Variants in PCYT1B observed in about 807,000 individuals in gnomAD.
PCYT1B encodes the protein choline-phosphate cytidylyltransferase B.
PCYT1B carries 10 observed loss-of-function variants against 26.4 expected under a neutral mutation model. The observed-to-expected ratio is 0.38, with a 90% CI of 0.23 to 0.64. PCYT1B has a LOEUF of 0.64. Ranked by LOEUF, PCYT1B falls within the 30% of genes least tolerant of loss-of-function variation. PCYT1B has a pLI of 0.56. For synonymous variants in PCYT1B, 131 were observed against 108.4 expected (o/e 1.21, Z -1.29); for missense variants, 161 against 292.7 (o/e 0.55, Z 3.28).
At chrX:24,568,314 CT>C (rs2148220014) in intron 7 of PCYT1B, among the ~76,000 whole-genome samples, 1 of 111,806 alleles carries the variant, frequency 8.9e-6, no homozygotes, top group East Asian at 2.8e-4. Context: ...GGGAGGACCG[CT>C]TGAGTCCAGG....
chrX:24,642,076 G>A (rs1227255087), intron 1 of PCYT1B, among the ~76,000 whole-genome samples: 1 of 113,238 alleles, frequency 8.8e-6, no homozygotes, highest in African/African-American at 3.2e-5. Context: ...AGTCTAATAT[G>A]TTAAAGTCAA....
chrX:24,563,902 C>A (rs1374959245), intron 7 of PCYT1B, among the ~76,000 whole-genome samples: 1 of 111,592 alleles, frequency 9.0e-6, no homozygotes, highest in Non-Finnish European at 1.9e-5. Context: ...GAATCCAAGG[C>A]CAGGCGCGGT....
At position 24,559,645 on chromosome X, in the gene PCYT1B, T is replaced by C. The variant is rs960456207; in HGVS notation, c.*2648A>G. 1 of 111,313 alleles carries C rather than the reference T, an allele frequency of 9.0e-6. No individual in the cohort carries two copies. The highest frequency in any genetic ancestry group is 3.3e-5 in the African/African-American group (1 of 30,580). 9.2% of individuals were successfully genotyped at this position (111,313 alleles called of 1,213,427 possible). On this transcript the variant is annotated 3_prime_UTR_variant, in exon 8 of 8. Transcript: ENST00000379144. The stretch of plus-strand genomic sequence containing the variant: ...CTCACTAGGGCAAAAAGAATCTCTT[T>C]CCTTGCTTTGTGTTATTCCTGCTTA...
chrX:24,619,127 T>G (rs1007312091), intron 1 of PCYT1B, 43 bp from the exon 2 acceptor site: 1 of 959,900 alleles, frequency 1.0e-6, no homozygotes, highest in African/African-American at 1.9e-5. Flanking sequence ...TGACAAACTT[T>G]CCTTTGGCAC....
chrX:24,569,847 A>G (rs1189936602), intron 7 of PCYT1B, among the ~76,000 whole-genome samples: 4 of 111,556 alleles, frequency 3.6e-5, no homozygotes, highest in Non-Finnish European at 7.5e-5. Context: ...TTGCAGGACA[A>G]TGTGAATGCA....
At position 24,559,593 on chromosome X, in the gene PCYT1B, C is replaced by T. The variant is rs1165706502; in HGVS notation, c.*2700G>A. 9.0e-6 allele frequency: 1 copy of T among 111,703 alleles called. No homozygotes were observed. The highest frequency in any genetic ancestry group is 3.3e-5 in the African/African-American group (1 of 30,753). 9.2% of individuals were successfully genotyped at this position (111,703 alleles called of 1,213,427 possible). A position where few individuals can be genotyped will look rare whatever the true frequency, so the allele number is the denominator to read the frequency against. On this transcript the variant is annotated 3_prime_UTR_variant, in exon 8 of 8. Transcript: ENST00000379144. ...TTCTGCAGTCCTAAGTTGCTATCCT[C>T]CAGCCCTCATTCTGAAGCTTCCTTT...
upstream of PCYT1B, among the ~76,000 whole-genome samples, chrX:24,648,840 G>A (rs1602207736): frequency 9.0e-6 from 1 of 110,942 alleles, no homozygotes; most frequent in South Asian, 3.8e-4. Flanking sequence ...TAAAAATACC[G>A]GGCTTGCCTC....
chrX:24,566,734 C>A (rs1923643206), intron 7 of PCYT1B, among the ~76,000 whole-genome samples: 1 of 111,452 alleles, frequency 9.0e-6, no homozygotes, highest in South Asian at 3.8e-4. Flanking sequence ...GCACTGCCTG[C>A]CCCCAACACT....
intron 1 of PCYT1B, among the ~76,000 whole-genome samples, chrX:24,652,497 TGCAGTGA>T (rs1343158617): frequency 9.4e-6 from 1 of 106,854 alleles, no homozygotes; most frequent in Non-Finnish European, 1.9e-5. Context: ...AGGCGGAGGT[TGCAGTGA>T]GCAGAAATCA....
intron 3 of PCYT1B, among the ~76,000 whole-genome samples, chrX:24,592,150 G>T (rs1385183966): frequency 9.0e-6 from 1 of 111,509 alleles, no homozygotes; most frequent in Non-Finnish European, 1.9e-5. Flanking sequence ...TAAACACAAA[G>T]AAATACTATT....
At chrX:24,663,369 C>G (rs1160466681) in intron 1 of PCYT1B, among the ~76,000 whole-genome samples, 2 of 112,296 alleles carry the variant, frequency 1.8e-5, no homozygotes, top group Non-Finnish European at 3.8e-5. Flanking sequence ...TAAAATAAAA[C>G]TACTTATGCC....
intron 3 of PCYT1B, among the ~76,000 whole-genome samples, chrX:24,593,603 T>C (rs1001626500): frequency 1.8e-5 from 2 of 108,320 alleles, no homozygotes; most frequent in African/African-American, 6.7e-5. Flanking sequence ...CTCAGCTCAC[T>C]GCAACCTTCA....
intron 5 of PCYT1B, 128 bp downstream of exon 5, chrX:24,587,113 C>G (rs974525886): frequency 1.7e-5 from 8 of 476,363 alleles, no homozygotes; most frequent in Admixed American, 1.2e-4. Context: ...TAGAAGCCGC[C>G]TGGGGGACAC....
At chrX:24,672,780 G>A (rs1442229513), upstream of PCYT1B, 24 of 450,056 alleles carry the variant, frequency 5.3e-5, no homozygotes, top group East Asian at 8.1e-4. Flanking sequence ...GGAGGAGCTC[G>A]GAGTGTCCCA....
intron 7 of PCYT1B, among the ~76,000 whole-genome samples, chrX:24,570,257 C>T (rs1366519166): frequency 1.9e-5 from 2 of 107,019 alleles, no homozygotes; most frequent in Non-Finnish European, 3.9e-5. Context: ...ATATTTGTCA[C>T]AAATTTGTTT....
chrX:24,663,565 C>T (rs908886769), intron 1 of PCYT1B, among the ~76,000 whole-genome samples: 2 of 112,034 alleles, frequency 1.8e-5, no homozygotes, highest in Non-Finnish European at 3.8e-5. Context: ...CCAAATAATT[C>T]CCTGGAAAAT....
intron 1 of PCYT1B, among the ~76,000 whole-genome samples, chrX:24,669,158 T>A (rs1284382797): frequency 8.9e-6 from 1 of 111,945 alleles, no homozygotes; most frequent in East Asian, 2.8e-4. Context: ...TTTTCTGCAA[T>A]GATGGAATAT....
chrX:24,605,779 G>A (rs995324364), intron 3 of PCYT1B, among the ~76,000 whole-genome samples: 6 of 111,162 alleles, frequency 5.4e-5, no homozygotes, highest in Admixed American at 1.9e-4. Context: ...AAAAGTAGCC[G>A]GGCATGGTGG....
chrX:24,667,094 G>A (rs1325708165), intron 1 of PCYT1B, among the ~76,000 whole-genome samples: 1 of 110,040 alleles, frequency 9.1e-6, no homozygotes, highest in Non-Finnish European at 1.9e-5. Flanking sequence ...GGAGAGGTTA[G>A]TGCACTCTAG....
Sources: allele counts gnomAD v4.1 joint callset (sites outside exome capture counted in the v4.1 genomes callset), GRCh38; gene constraint gnomAD v4.1.1; transcripts MANE v1.5; gene names NCBI Gene and HGNC (gene_info 2026-07-23, HGNC 2026-07-21).